The following NOBOX variants were observed in gnomAD, a reference collection of about 807,000 sequenced individuals.
NOBOX encodes homeobox protein NOBOX.
In NOBOX, 46 loss-of-function variants were observed where a neutral mutation model predicts 60.2. The observed-to-expected ratio is 0.76, with a 90% CI of 0.60 to 0.98. The LOEUF (loss-of-function observed/expected upper bound fraction) is 0.98, where lower values mean the gene tolerates loss of function less well. Among genes scored for constraint, NOBOX ranks in the 50% least tolerant of loss-of-function variants. The pLI, the probability that NOBOX is intolerant of heterozygous loss-of-function variation, is 0.00. For synonymous variants in NOBOX, 360 were observed against 346.3 expected, an observed-to-expected ratio of 1.04 and a Z score of -0.44; for missense variants, 880 against 865.5, an observed-to-expected ratio of 1.02 and a Z score of -0.21.
Position 144,398,958 on chromosome 7 carries a change from CCAGGACCCA to C in NOBOX, c.1452_1460del (p.Cys484_Ser486del), listed in dbSNP as rs1401032502. On this transcript the variant is annotated inframe_deletion, in exon 8 of 10. Coordinates refer to ENST00000467773, the MANE Select transcript of NOBOX (RefSeq NM_001080413.3). Reference sequence around the variant, plus strand: ...CCCCGTAGGTTCCTTACCTTGTCCCCCAGGACCCACAGGGGCCGTCCTTGTGGCTGCTGT... The same window carrying C: ...CCCCGTAGGTTCCTTACCTTGTCCCCCAGGGGCCGTCCTTGTGGCTGCTGT... 2.6e-6 allele frequency: 4 copies of C among 1,554,554 alleles called. No individual in the cohort carries two copies. The highest frequency in any genetic ancestry group is 3.5e-6 in the Non-Finnish European group (4 of 1,146,220).
Position 144,398,473 on chromosome 7 carries a change from A to G in NOBOX, c.1583T>C (p.Phe528Ser), listed in dbSNP as rs1234931371. ...GGGCAACTTGGGCTGAGGGGACTGG[A>G]AAAGCGGGGGCTGTGGAGCCTGGGA... Residue 528 changes from phenylalanine (F) to serine (S), a missense_variant, in exon 9 of 10, where the codon TTC (phenylalanine) becomes TCC (serine). Coordinates refer to ENST00000467773, the MANE Select transcript of NOBOX (RefSeq NM_001080413.3). 6.5e-7 allele frequency: 1 copy of G among 1,537,088 alleles called. No homozygotes were observed.
chr7:144,398,721 T>A, intron 8 of NOBOX, 135 bp from the exon 7 acceptor site: 1 of 682,966 alleles, frequency 1.5e-6, no homozygotes, highest in Non-Finnish European at 2.5e-6. Flanking sequence ...CTGCTGCAGC[T>A]GCCTCTTCTC....
Position 144,398,572 on chromosome 7 carries a change from G to C in NOBOX, c.1484C>G (p.Pro495Arg). The change falls in exon 9 of 10, where the codon CCC becomes CGC. Residue 495 changes from proline (P) to arginine (R), a missense_variant. Physicochemically the swap from Pro to Arg is moderately radical, Grantham distance 103 (BLOSUM62 -2). Transcript: ENST00000467773. The stretch of plus-strand genomic sequence containing the variant: ...CAGCTCCTCCAAATATGAACAGGGG[G>C]GTGGCAGGGTGATGCTGCAAGGACA... 2.0e-6 allele frequency: 3 copies of C among 1,535,808 alleles called. No individual in the cohort carries two copies. Among genetic ancestry groups the C allele is most frequent in the Non-Finnish European group, 2.6e-6 (3 of 1,146,656 alleles).
In NOBOX at chr7:144,401,311, C is replaced by T. The variant is rs1007251580; in HGVS notation, c.579G>A (p.Lys193=). Residue 193 remains lysine, a synonymous_variant, in exon 4 of 10, where the codon AAG becomes AAA. Transcript: ENST00000467773. This position sits in a 1 kb window ranked among gnomAD's most constrained non-coding sequence, Gnocchi z 4.2. ...CTGGAGAATAGGACCTCTTTCCTAT[C>T]TTCACCTCTCCCACTGGGAGGGAAC... 6.2e-7 allele frequency: 1 copy of T among 1,613,634 alleles called. No homozygotes were observed. Among genetic ancestry groups the T allele is most frequent in the South Asian group, 1.1e-5 (1 of 90,996 alleles).
At chr7:144,403,594 C>T in intron 2 of NOBOX, 63 bp downstream of exon 1, 1 of 602,764 alleles carries the variant, frequency 1.7e-6, no homozygotes, top group Admixed American at 2.2e-5. Flanking sequence ...TGATCACAGG[C>T]CTCCCCCCCT....
At chr7:144,403,620 G>C (rs1360265013) in intron 2 of NOBOX, 37 bp downstream of exon 1, 3 of 472,094 alleles carry the variant, frequency 6.4e-6, no homozygotes, top group Admixed American at 6.1e-5. Flanking sequence ...AACCCCCAAA[G>C]CCTGACCCCC....
At position 144,401,924 on chromosome 7, in the gene NOBOX, A is replaced by AGGTATCTCT; in HGVS notation, c.228_236dup (p.Ile78_Glu80dup). ...GGGGTATGAGTTTGAGGGACTGTTC[A>AGGTATCTCT]GGTATCTCTAAGGGATCATGTTGGG... is the stretch of plus-strand genomic sequence containing the variant. On this transcript the variant is annotated inframe_insertion, in exon 3 of 10. Coordinates refer to ENST00000467773, the MANE Select transcript of NOBOX (RefSeq NM_001080413.3). The surrounding 1 kb of genome is among the most constrained non-coding windows in gnomAD (Gnocchi z 4.2). 6.2e-7 allele frequency: 1 copy of AGGTATCTCT among 1,612,748 alleles called. No homozygotes were observed. Among genetic ancestry groups the AGGTATCTCT allele is most frequent in the Non-Finnish European group, 8.5e-7 (1 of 1,178,848 alleles).
intron 6 of NOBOX, 26 bp downstream of exon 4, chr7:144,399,731 G>C (rs1375893102): frequency 6.4e-7 from 1 of 1,562,780 alleles, no homozygotes. Flanking sequence ...CCACAGGGAT[G>C]ATACAGAAAG....
chr7:144,403,716 G>A, intron 2 of NOBOX, 23 bp from the exon 1 acceptor site: 2 of 699,664 alleles, frequency 2.9e-6, no homozygotes, highest in East Asian at 2.7e-5. Context: ...CGCCGCCGCG[G>A]CCGGCCCGTG....
At chr7:144,399,891 T>C (rs754823777) in intron 5 of NOBOX, 28 bp from the exon 4 acceptor site, 32 of 1,566,534 alleles carry the variant, frequency 2.0e-5, no homozygotes, top group South Asian at 1.6e-4. Flanking sequence ...CTTGAAGAAC[T>C]GGAGAAGAGG....
chr7:144,408,647 G>A (rs1049557370), intron 1 of NOBOX, among the ~76,000 whole-genome samples: 4 of 152,174 alleles, frequency 2.6e-5, no homozygotes, highest in African/African-American at 9.6e-5. Context: ...CAGTTAGTCT[G>A]GTTCCTGCCT....
Position 144,397,430 on chromosome 7 carries a change from A to G in NOBOX, c.1886T>C (p.Phe629Ser). 6.5e-7 allele frequency: 1 copy of G among 1,537,186 alleles called. No homozygotes were observed. The highest frequency in any genetic ancestry group is 1.7e-4 in the Middle Eastern group (1 of 5,990). The change falls in exon 10 of 10, where the codon TTT becomes TCT. Residue 629 changes from phenylalanine (F) to serine (S), a missense_variant. Physicochemically the swap from Phe to Ser is radical, Grantham distance 155. Transcript: ENST00000467773. ...CAGAGCCTGGGGGCAGGGAGTTGGAAATAGATCAGGAAAGTAGCCATCCCC... is the reference window on the plus strand; with the variant it reads ...CAGAGCCTGGGGGCAGGGAGTTGGAGATAGATCAGGAAAGTAGCCATCCCC...
intron 1 of NOBOX, chr7:144,404,728 G>T: frequency 6.2e-7 from 1 of 1,601,094 alleles, no homozygotes; most frequent in South Asian, 1.1e-5. Flanking sequence ...TTGGTGTTTC[G>T]ATTTTATTCT....
Position 144,398,658 on chromosome 7 carries a change from G to A in NOBOX, c.1470-72C>T, listed in dbSNP as rs985078573. Reference sequence around the variant, plus strand: ...TCCCCGTTCCTACCACAGTAGCGGAGTCCCTACCTCTCGCCTCCTCCTCAT... The same window carrying A: ...TCCCCGTTCCTACCACAGTAGCGGAATCCCTACCTCTCGCCTCCTCCTCAT... On this transcript the variant is annotated intron_variant, in intron 8 of 9. Coordinates refer to ENST00000467773, the MANE Select transcript of NOBOX (RefSeq NM_001080413.3). 6.1e-5 allele frequency: 68 copies of A among 1,123,696 alleles called. 1 individual carries two copies. The South Asian group carries it at 6.9e-4, about 11-fold the overall frequency. The allele number at this position is 1,123,696 out of a possible 1,614,324, so 69.6% of individuals were successfully genotyped here.
chr7:144,398,558 A>G lies in NOBOX; in HGVS notation c.1498T>C (p.Leu500=), dbSNP rs1305303219. 5 of 1,536,148 alleles carry G rather than the reference A, an allele frequency of 3.3e-6. No homozygotes were observed. The highest frequency in any genetic ancestry group is 1.2e-5 in the South Asian group (1 of 83,992). ...TAATCCTGGGGCTCCAGCTCCTCCA[A>G]ATATGAACAGGGGGGTGGCAGGGTG... The change falls in exon 9 of 10, where the codon TTG becomes CTG. Residue 500 remains leucine (L), a synonymous_variant. Transcript: ENST00000467773.
In NOBOX at chr7:144,401,421, T is replaced by C; in HGVS notation, c.469A>G (p.Arg157Gly). The C allele has an allele frequency of 1.2e-6, 2 of 1,610,870 alleles. No individual in the cohort carries two copies. Among genetic ancestry groups the C allele is most frequent in the Non-Finnish European group, 1.7e-6 (2 of 1,178,208 alleles). The change falls in exon 4 of 10, where the codon AGA (arginine) becomes GGA (glycine). Residue 157 changes from arginine (R) to glycine (G), a missense_variant. Physicochemically the swap from Arg to Gly is moderately radical, Grantham distance 125. Transcript: ENST00000467773. This position sits in a 1 kb window ranked among gnomAD's most constrained non-coding sequence, Gnocchi z 4.2. Reference sequence around the variant, plus strand: ...CTGGAGCGGGGGGGCGGGCACAGTCTCCCAGCATCAGCCCCGGTGGCTTCT... The same window carrying C: ...CTGGAGCGGGGGGGCGGGCACAGTCCCCCAGCATCAGCCCCGGTGGCTTCT...
At chr7:144,405,529 G>T (rs968673321) in intron 1 of NOBOX, among the ~76,000 whole-genome samples, 6 of 152,132 alleles carry the variant, frequency 3.9e-5, no homozygotes, top group Non-Finnish European at 7.3e-5. Flanking sequence ...CTTGGAGAAG[G>T]TGACACGTGG....
intron 2 of NOBOX, chr7:144,402,076 T>C (rs1367492095): frequency 1.4e-6 from 1 of 692,042 alleles, no homozygotes; most frequent in South Asian, 1.9e-5. Flanking sequence ...AAGGATTCGA[T>C]TGTCTCCAGC....
chr7:144,407,044 T>C (rs1309130109), intron 1 of NOBOX, among the ~76,000 whole-genome samples: 2 of 152,042 alleles, frequency 1.3e-5, no homozygotes, highest in African/African-American at 2.4e-5. Context: ...AGCTAGACTT[T>C]ACACCATTAC....
Sources: gnomAD v4.1 joint callset for allele counts (sites outside exome capture counted in the v4.1 genomes callset) on GRCh38, gnomAD v4.1.1 for gene constraint, Gnocchi (gnomAD v3.1) non-coding constraint, MANE v1.5 for transcripts, NCBI Gene and HGNC (gene_info 2026-07-23, HGNC 2026-07-21) for gene names.